LRRC4B: variants seen among roughly 807,000 people sequenced by gnomAD.
LRRC4B encodes the protein leucine-rich repeat-containing protein 4B.
LRRC4B carries 1 observed loss-of-function variant against 7.3 expected under a neutral mutation model. The observed-to-expected ratio is 0.14, with a 90% CI of 0.05 to 0.65. The LOEUF is 0.65. Ranked by LOEUF, LRRC4B falls within the 30% of genes least tolerant of loss-of-function variation. The probability of loss-of-function intolerance (pLI) is 0.84; values close to 1 mark genes in which losing one functional copy is unlikely to be tolerated. For synonymous variants in LRRC4B, 500 were observed against 499.2 expected (o/e 1.00, Z -0.02); for missense variants, 730 against 1,041.6 (o/e 0.70, Z 4.12).
At chr19:50,538,851 G>A (rs1478070462) in intron 2 of LRRC4B, among the ~76,000 whole-genome samples, 3 of 150,864 alleles carry the variant, frequency 2.0e-5, no homozygotes, top group African/African-American at 7.3e-5. Flanking sequence ...TTACAGGTGT[G>A]AGCCACCGTG....
At chr19:50,535,258 C>T (rs548404359) in intron 2 of LRRC4B, among the ~76,000 whole-genome samples, 97 of 151,512 alleles carry the variant, frequency 6.4e-4, no homozygotes, top group Middle Eastern at 3.5e-3. Context: ...CTGCAGCCTC[C>T]GCCTCCTGGG....
Position 50,518,188 on chromosome 19 carries a change from T to A in LRRC4B, c.1525A>T (p.Thr509Ser). The change falls in exon 3 of 3, where the codon ACG becomes TCG. Residue 509 changes from threonine (T) to serine (S), a missense_variant. Around this residue, in one of 6 missense-constraint regions of LRRC4B, gnomAD observed 192 missense variants for 228.6 expected, o/e 0.84. Transcript: ENST00000652263. ...GTGGGCCCTGGCGGTTCCTTCTCCGTCCCCCGCGGCTGCAGGGCCTCCTCT... is the reference window on the plus strand; with the variant it reads ...GTGGGCCCTGGCGGTTCCTTCTCCGACCCCCGCGGCTGCAGGGCCTCCTCT... ...PGEEALQPRG[T>S]EKEPPGPTTD... 6.2e-7 allele frequency: 1 copy of A among 1,607,512 alleles called. No homozygotes were observed. The highest frequency in any genetic ancestry group is 8.5e-7 in the Non-Finnish European group (1 of 1,178,594).
intron 1 of LRRC4B, among the ~76,000 whole-genome samples, chr19:50,551,428 G>A (rs1413543384): frequency 5.4e-5 from 7 of 130,498 alleles, no homozygotes; most frequent in Non-Finnish European, 9.8e-5. Context: ...TCCCCTCCCC[G>A]CTCGCCTCCT....
At chr19:50,536,890 T>C (rs1279729137) in intron 2 of LRRC4B, among the ~76,000 whole-genome samples, 1 of 152,130 alleles carries the variant, frequency 6.6e-6, no homozygotes, top group Non-Finnish European at 1.5e-5. Flanking sequence ...GCGCCAGGCA[T>C]ACTCATCCTG....
At chr19:50,551,239 C>G (rs1675669732) in intron 1 of LRRC4B, among the ~76,000 whole-genome samples, 4 of 151,170 alleles carry the variant, frequency 2.6e-5, no homozygotes, top group Admixed American at 6.6e-5. Flanking sequence ...AGGCCCCCCC[C>G]TCCACATGCC....
intron 2 of LRRC4B, among the ~76,000 whole-genome samples, chr19:50,540,233 G>T (rs1981481557): frequency 6.6e-6 from 1 of 152,166 alleles, no homozygotes; most frequent in Non-Finnish European, 1.5e-5. Context: ...CCACAGACCG[G>T]TACTGGTGGG....
intron 1 of LRRC4B, among the ~76,000 whole-genome samples, chr19:50,552,433 C>A (rs1033531505): frequency 6.6e-6 from 1 of 152,160 alleles, no homozygotes; most frequent in Admixed American, 6.5e-5. Flanking sequence ...AGGCCCCCAC[C>A]CCTAGAGGAA....
chr19:50,547,170 A>G (rs1981852236), intron 2 of LRRC4B, among the ~76,000 whole-genome samples: 1 of 152,196 alleles, frequency 6.6e-6, no homozygotes, highest in Non-Finnish European at 1.5e-5. Context: ...GGGCAGACTC[A>G]AAGCAAACTG....
chr19:50,554,920 C>T (rs1464742857), intron 1 of LRRC4B, among the ~76,000 whole-genome samples: 3 of 152,186 alleles, frequency 2.0e-5, no homozygotes, highest in Admixed American at 6.5e-5. Flanking sequence ...ACAGCAGCAA[C>T]AATTCCCATG....
chr19:50,566,642 G>T (rs920515129), intron 1 of LRRC4B, among the ~76,000 whole-genome samples: 7 of 151,758 alleles, frequency 4.6e-5, no homozygotes, highest in Non-Finnish European at 1.0e-4. Flanking sequence ...GAGACTGGCT[G>T]GGCCCCTGGC....
chr19:50,544,399 T>C (rs1004194276), intron 2 of LRRC4B, among the ~76,000 whole-genome samples: 95 of 150,996 alleles, frequency 6.3e-4, no homozygotes, highest in African/African-American at 1.7e-3. Context: ...CCCAGCTACT[T>C]GGGAGGCTGA....
intron 2 of LRRC4B, among the ~76,000 whole-genome samples, chr19:50,535,016 C>G (rs11880067): frequency 0.57 from 77,154 of 134,810 alleles, 23,388 homozygotes; most frequent in African/African-American, 0.87. Context: ...TTACAGGCGC[C>G]TGCCACCACA....
Position 50,518,710 on chromosome 19 carries a change from T to G in LRRC4B, c.1003A>C (p.Thr335Pro). 6.2e-7 allele frequency: 1 copy of G among 1,613,784 alleles called. No individual in the cohort carries two copies. Residue 335 changes from threonine to proline, a missense_variant, in exon 3 of 3, where the codon ACG becomes CCG. Thr to Pro is a conservative substitution (Grantham distance 38). Coordinates refer to ENST00000652263, the MANE Select transcript of LRRC4B (RefSeq NM_001080457.2). ...WLKETVPSNT[T>P]CCARCHAPAG... The stretch of plus-strand genomic sequence containing the variant: ...GGCGCATGACAGCGGGCGCAGCACG[T>G]CGTGTTGCTGGGCACCGTCTCCTTG...
In LRRC4B at chr19:50,518,833, G is replaced by A. The variant is rs1395927287; in HGVS notation, c.880C>T (p.His294Tyr). 1 of 1,614,044 alleles carries A rather than the reference G, an allele frequency of 6.2e-7. No individual in the cohort carries two copies. The highest frequency in any genetic ancestry group is 1.1e-5 in the South Asian group (1 of 91,070). ...LSHNNLMSLP[H>Y]DLFTPLHRLE... ...CGGTGCAGGGGCGTGAAGAGGTCGT[G>A]GGGCAGCGACATCAGGTTGTTGTGG... Residue 294 changes from histidine to tyrosine, a missense_variant, in exon 3 of 3, where the codon CAC becomes TAC. Around this residue, in one of 6 missense-constraint regions of LRRC4B, gnomAD observed 226 missense variants for 448.0 expected, o/e 0.50. Transcript: ENST00000652263.
rs1173994145 is a variant in LRRC4B, at chr19:50,537,993, C to A, written c.297+10549G>T. Among the ~76,000 whole-genome samples, 1 of 152,174 alleles carries A rather than the reference C, an allele frequency of 6.6e-6. No homozygotes were observed. The highest frequency in any genetic ancestry group is 1.5e-5 in the Non-Finnish European group (1 of 68,022). ...CGCGGCTGGGGAATGTCCCAGTTGACCTCAAGAGAGGTCAGCTCCTAGATT... is the reference window on the plus strand; with the variant it reads ...CGCGGCTGGGGAATGTCCCAGTTGAACTCAAGAGAGGTCAGCTCCTAGATT... On this transcript the variant is annotated intron_variant, in intron 2 of 2. Coordinates refer to ENST00000652263, the MANE Select transcript of LRRC4B (RefSeq NM_001080457.2). This position sits in a 1 kb window ranked among gnomAD's most constrained non-coding sequence, Gnocchi z 5.5.
intron 2 of LRRC4B, among the ~76,000 whole-genome samples, chr19:50,545,906 T>C (rs1433609511): frequency 6.6e-6 from 1 of 151,782 alleles, no homozygotes; most frequent in Non-Finnish European, 1.5e-5. Context: ...GGTTTTTTAG[T>C]GGAGATGGGG....
chr19:50,517,998 A>C lies in LRRC4B; in HGVS notation c.1715T>G (p.Met572Arg). ...ENALKDLDDV[M>R]KTTKIIIGCF... ...GCCGATGATGATTTTGGTGGTCTTC[A>C]TGACGTCGTCCAGGTCCTTGAGGGC... Residue 572 changes from methionine (M) to arginine (R), a missense_variant, in exon 3 of 3, where the codon ATG becomes AGG. Met to Arg is a moderately conservative substitution (Grantham distance 91, BLOSUM62 -1). Coordinates refer to ENST00000652263, the MANE Select transcript of LRRC4B (RefSeq NM_001080457.2). This position sits in a 1 kb window ranked among gnomAD's most constrained non-coding sequence, Gnocchi z 6.6. 6.5e-7 allele frequency: 1 copy of C among 1,541,986 alleles called. No homozygotes were observed. The highest frequency in any genetic ancestry group is 1.7e-4 in the Middle Eastern group (1 of 5,720).
At chr19:50,525,605 G>T (rs1980775992) in intron 2 of LRRC4B, among the ~76,000 whole-genome samples, 1 of 145,670 alleles carries the variant, frequency 6.9e-6, no homozygotes, top group East Asian at 2.0e-4. Context: ...TTTTAGTAGA[G>T]ACGAGGGTTT....
Position 50,519,982 on chromosome 19 carries a change from C to T in LRRC4B, c.298-567G>A, listed in dbSNP as rs184606323. On this transcript the variant is annotated intron_variant, in intron 2 of 2. Coordinates refer to ENST00000652263, the MANE Select transcript of LRRC4B (RefSeq NM_001080457.2). The surrounding 1 kb of genome is among the most constrained non-coding windows in gnomAD (Gnocchi z 8.1). ...GGCTGAGGTGGGCAGATCACTTGAA[C>T]CCAGGAGATCAAGATCAGACTGGGC... 9.2e-3 allele frequency among the ~76,000 whole-genome samples: 1,390 copies of T among 151,226 alleles called. 15 individuals are homozygous for T. Among genetic ancestry groups the T allele is most frequent in the Middle Eastern group, 0.045 (13 of 286 alleles).
Sources: gnomAD v4.1 joint callset for allele counts (sites outside exome capture counted in the v4.1 genomes callset) on GRCh38, gnomAD v4.1.1 for gene constraint, gnomAD v4.1.1 regional missense constraint, Gnocchi (gnomAD v3.1) non-coding constraint, MANE v1.5 for transcripts, NCBI Gene and HGNC (gene_info 2026-07-23, HGNC 2026-07-21) for gene names.